The following C1orf226 variants were observed in gnomAD, a reference collection of about 807,000 sequenced individuals.
C1orf226 encodes chromosome 1 open reading frame 226.
C1orf226 carries 4 observed loss-of-function variants against 10.5 expected under a neutral mutation model. The observed-to-expected ratio is 0.38, with a 90% CI of 0.19 to 0.87. The LOEUF is 0.87. Ranked by LOEUF, C1orf226 falls within the 40% of genes least tolerant of loss-of-function variation. The pLI is 0.41. For missense variants in C1orf226, 313 were observed against 336.2 expected, an observed-to-expected ratio of 0.93 and a Z score of 0.54; for synonymous variants, 125 against 139.3, an observed-to-expected ratio of 0.90 and a Z score of 0.72.
At position 162,382,018 on chromosome 1, in the gene C1orf226, G is replaced by A. The variant is rs1436182286; in HGVS notation, c.117G>A (p.Gly39=). ...CCCCTCTGGGCTCTGGTGAGCCTGG[G>A]GGGCCAGGACTCTGGGTGGGCAGCA... ...GSAPLGSGEP[G]GPGLWVGSSQ... The change falls in exon 1 of 2, where the codon GGG becomes GGA. Residue 39 remains glycine, a synonymous_variant. Coordinates refer to ENST00000458626, the MANE Select transcript of C1orf226 (RefSeq NM_001085375.2). The A allele has an allele frequency of 6.2e-7, 1 of 1,612,306 alleles. No homozygotes were observed. The highest frequency in any genetic ancestry group is 2.2e-5 in the East Asian group (1 of 44,852).
upstream of C1orf226, among the ~76,000 whole-genome samples, chr1:162,379,790 A>G (rs1396254154): frequency 6.6e-6 from 1 of 152,230 alleles, no homozygotes; most frequent in East Asian, 1.9e-4. Flanking sequence ...ATAATAGCTT[A>G]TAATTTACTA....
intron 1 of C1orf226, among the ~76,000 whole-genome samples, 170 bp from the exon 2 acceptor site, chr1:162,383,012 T>C (rs74128274): frequency 0.029 from 4,355 of 152,290 alleles, 211 homozygotes; most frequent in African/African-American, 0.099. Context: ...ACTGTTATGC[T>C]GAAATTGCTA....
In C1orf226 at chr1:162,386,350, G is replaced by A. The variant is rs164177; in HGVS notation, c.*2667G>A. 44,775 of 152,252 alleles carry A rather than the reference G, an allele frequency of 0.29. 6,866 individuals are homozygous for A. The highest frequency in any genetic ancestry group is 0.46 in the Middle Eastern group (136 of 298). 9.4% of individuals were successfully genotyped at this position (152,252 alleles called of 1,614,324 possible). A position where few individuals can be genotyped will look rare whatever the true frequency, so the allele number is the denominator to read the frequency against. On this transcript the variant is annotated 3_prime_UTR_variant, in exon 2 of 2. Transcript: ENST00000458626. ...TGGCAGCCACACCCTCAGTAATCCC[G>A]CACAGTGAGTCCAGCTTCTCTGGGA...
upstream of C1orf226, chr1:162,379,160 A>G: frequency 1.6e-6 from 1 of 610,188 alleles, no homozygotes; most frequent in Admixed American, 2.5e-5. Context: ...TCTGTCCTCC[A>G]TTGCCATTAT....
In C1orf226 at chr1:162,383,335, GCAGGCC is replaced by G; in HGVS notation, c.476_481del (p.Ala159_Gln160del). ...AGTATGGGACAGAGCCATCACCTGG[GCAGGCC>G]CAGGACTCCGCTCCCACTGCCCAGC... is the stretch of plus-strand genomic sequence containing the variant. On this transcript the variant is annotated inframe_deletion, in exon 2 of 2. Coordinates refer to ENST00000458626, the MANE Select transcript of C1orf226 (RefSeq NM_001085375.2). 6.2e-7 allele frequency: 1 copy of G among 1,609,678 alleles called. No individual in the cohort carries two copies.
upstream of C1orf226, among the ~76,000 whole-genome samples, chr1:162,379,816 G>A (rs141084317): frequency 1.0e-3 from 159 of 152,340 alleles, no homozygotes; most frequent in Non-Finnish European, 1.5e-3. Context: ...CTTGACAGGT[G>A]TTTTTGGTGC....
upstream of C1orf226, among the ~76,000 whole-genome samples, chr1:162,380,963 C>T (rs556724832): frequency 1.7e-4 from 26 of 152,300 alleles, no homozygotes; most frequent in African/African-American, 6.3e-4. Flanking sequence ...TGGGTTTATA[C>T]CCAGCTCTTT....
At chr1:162,381,727 T>C (rs756937730), upstream of C1orf226, 66 of 1,432,660 alleles carry the variant, frequency 4.6e-5, no homozygotes, top group African/African-American at 5.8e-5. Flanking sequence ...TCAAGAAAAC[T>C]ACACTGGAAA....
Position 162,386,291 on chromosome 1 carries a change from A to C in C1orf226, c.*2608A>C, listed in dbSNP as rs912982601. ...AAAGCCTCACCTGGTTTCCATGTCCATCTCAACAGTCTGGCCTTCCTGTGA... is the reference window on the plus strand; with the variant it reads ...AAAGCCTCACCTGGTTTCCATGTCCCTCTCAACAGTCTGGCCTTCCTGTGA... On this transcript the variant is annotated 3_prime_UTR_variant, in exon 2 of 2. Coordinates refer to ENST00000458626, the MANE Select transcript of C1orf226 (RefSeq NM_001085375.2). The C allele has an allele frequency of 6.6e-6, 1 of 152,348 alleles. No individual in the cohort carries two copies. The highest frequency in any genetic ancestry group is 2.4e-5 in the African/African-American group (1 of 41,460). The allele number at this position is 152,348 out of a possible 1,614,324, so 9.4% of individuals were successfully genotyped here.
chr1:162,383,132 G>T lies in C1orf226; in HGVS notation c.318-50G>T, dbSNP rs1647973947. ...GAGAAGCAAGATGGCAGGTGGATTG[G>T]TGTCTTGCTGTCCTTAAGGCATGTG... On this transcript the variant is annotated intron_variant, in intron 1 of 1. Transcript: ENST00000458626. The T allele has an allele frequency of 2.7e-6, 4 of 1,503,728 alleles. No individual in the cohort carries two copies. The East Asian group carries it at 9.1e-5, about 34-fold the overall frequency. 93.1% of individuals were successfully genotyped at this position (1,503,728 alleles called of 1,614,324 possible).
Position 162,386,678 on chromosome 1 carries a change from A to G in C1orf226, c.*2995A>G, listed in dbSNP as rs1307638935. 6.6e-6 allele frequency: 1 copy of G among 152,254 alleles called. No individual in the cohort carries two copies. The highest frequency in any genetic ancestry group is 2.4e-5 in the African/African-American group (1 of 41,448). The allele number at this position is 152,254 out of a possible 1,614,324, so 9.4% of individuals were successfully genotyped here. ...TATGCAATCCATCAGCGTTTAAAGA[A>G]GAAGATTGGCTCCAGTTCGGAGGAG... On this transcript the variant is annotated 3_prime_UTR_variant, in exon 2 of 2. Transcript: ENST00000458626.
At chr1:162,380,808 GCCA>G (rs1228269489), upstream of C1orf226, among the ~76,000 whole-genome samples, 1 of 152,164 alleles carries the variant, frequency 6.6e-6, no homozygotes, top group Non-Finnish European at 1.5e-5. Flanking sequence ...TACCACCTTG[GCCA>G]CCACAATTTT....
In C1orf226 at chr1:162,383,786, T is replaced by C. The variant is rs1345827725; in HGVS notation, c.*103T>C. On this transcript the variant is annotated 3_prime_UTR_variant, in exon 2 of 2. Coordinates refer to ENST00000458626, the MANE Select transcript of C1orf226 (RefSeq NM_001085375.2). ...CTCAACTCCGCTGTGCCCTTTGTCT[T>C]CCTTGTATGAGGCACCAGCAGAGAG... 4 of 1,206,896 alleles carry C rather than the reference T, an allele frequency of 3.3e-6. No individual in the cohort carries two copies. The highest frequency in any genetic ancestry group is 4.5e-6 in the Non-Finnish European group (4 of 888,968). The allele number at this position is 1,206,896 out of a possible 1,614,324, so 74.8% of individuals were successfully genotyped here.
At chr1:162,383,078 G>A (rs886505228) in intron 1 of C1orf226, 104 bp from the exon 2 acceptor site, 86 of 1,101,020 alleles carry the variant, frequency 7.8e-5, no homozygotes, top group Non-Finnish European at 1.1e-4. Context: ...GTTATTGGGT[G>A]GGGTGGGTTG....
Position 162,383,990 on chromosome 1 carries a change from G to A in C1orf226, c.*307G>A, listed in dbSNP as rs1349953743. ...GCTCTTCCACTCTTGAGCTTGTCCT[G>A]TCTTCTCAGTGAATTGCAGGGCCAC... On this transcript the variant is annotated 3_prime_UTR_variant, in exon 2 of 2. Coordinates refer to ENST00000458626, the MANE Select transcript of C1orf226 (RefSeq NM_001085375.2). 2.8e-6 allele frequency: 1 copy of A among 362,026 alleles called. No homozygotes were observed. The highest frequency in any genetic ancestry group is 2.1e-5 in the African/African-American group (1 of 48,390). 22.4% of individuals were successfully genotyped at this position (362,026 alleles called of 1,614,324 possible).
chr1:162,386,033 T>G lies in C1orf226; in HGVS notation c.*2350T>G, dbSNP rs1648097934. 6.6e-6 allele frequency: 1 copy of G among 152,396 alleles called. No homozygotes were observed. The highest frequency in any genetic ancestry group is 1.5e-5 in the Non-Finnish European group (1 of 68,214). 9.4% of individuals were successfully genotyped at this position (152,396 alleles called of 1,614,324 possible). On this transcript the variant is annotated 3_prime_UTR_variant, in exon 2 of 2. Transcript: ENST00000458626. ...GACCCCAGAGTTCTTCAGACCTGTG[T>G]CTGATACTGAATACAGTGCCATGGG...
At chr1:162,382,670 C>T (rs1185485331) in intron 1 of C1orf226, among the ~76,000 whole-genome samples, 1 of 152,196 alleles carries the variant, frequency 6.6e-6, no homozygotes, top group African/African-American at 2.4e-5. Context: ...CAGGTAGATT[C>T]TGATGCCCGG....
upstream of C1orf226, among the ~76,000 whole-genome samples, chr1:162,379,260 C>T (rs1042513957): frequency 3.3e-5 from 5 of 151,992 alleles, no homozygotes; most frequent in African/African-American, 1.2e-4. Context: ...ACCCATTGCA[C>T]ATCCTCAGAC....
chr1:162,382,796 T>C (rs1571263662), intron 1 of C1orf226, among the ~76,000 whole-genome samples: 1 of 152,148 alleles, frequency 6.6e-6, no homozygotes, highest in East Asian at 1.9e-4. Flanking sequence ...TTCTTCCCCC[T>C]CCTACCAACA....
Sources: allele counts gnomAD v4.1 joint callset (sites outside exome capture counted in the v4.1 genomes callset), GRCh38; gene constraint gnomAD v4.1.1; transcripts MANE v1.5; gene names NCBI Gene and HGNC (gene_info 2026-07-23, HGNC 2026-07-21).